STAT5B: variants seen among roughly 807,000 people sequenced by gnomAD.
STAT5B encodes the protein signal transducer and activator of transcription 5B.
A neutral mutation model predicts 107.8 loss-of-function variants in STAT5B; 21 were observed. The ratio of observed to expected loss-of-function variants is 0.19; its 90% confidence interval spans 0.14 to 0.28. The LOEUF is 0.28. Among genes scored for constraint, STAT5B ranks in the 10% least tolerant of loss-of-function variants. The pLI is 1.00. For synonymous variants in STAT5B, 325 were observed against 401.7 expected (o/e 0.81, Z 2.28); for missense variants, 565 against 1,008.2 (o/e 0.56, Z 5.95).
chr17:42,209,674 C>T (rs2080113570), intron 15 of STAT5B, among the ~76,000 whole-genome samples: 1 of 152,134 alleles, frequency 6.6e-6, no homozygotes, highest in Admixed American at 6.5e-5. Context: ...TGCCGCTGCA[C>T]TCCAGCCCGG....
chr17:42,212,886 C>G (rs2080140879), intron 12 of STAT5B, among the ~76,000 whole-genome samples: 1 of 152,204 alleles, frequency 6.6e-6, no homozygotes, highest in East Asian at 1.9e-4. Context: ...CCCAGCAACC[C>G]AGTTCTTTTC....
At chr17:42,231,823 G>A in intron 2 of STAT5B, among the ~76,000 whole-genome samples, 177 bp downstream of exon 2, 1 of 151,988 alleles carries the variant, frequency 6.6e-6, no homozygotes, top group East Asian at 1.9e-4. Flanking sequence ...AATCTAAGAT[G>A]GGCTTAAATA....
the STAT5B span, among the ~76,000 whole-genome samples, chr17:42,283,792 G>A: frequency 6.6e-6 from 1 of 152,148 alleles, no homozygotes; most frequent in African/African-American, 2.4e-5. Context: ...GACAAGAATG[G>A]GGGTGGCATT....
chr17:42,217,314 G>A lies in STAT5B; in HGVS notation c.1258-32C>T, dbSNP rs768969258. ...AGAAGAAACATAAGATGAAACGTAA[G>A]ATATAAGTTGTTCCCCTCAAAGACC... On this transcript the variant is annotated intron_variant, in intron 10 of 18. Coordinates refer to ENST00000293328, the MANE Select transcript of STAT5B (RefSeq NM_012448.4). 6 of 1,614,212 alleles carry A rather than the reference G, an allele frequency of 3.7e-6. No individual in the cohort carries two copies. In the Admixed American group the frequency reaches 1.0e-4, roughly 27 times the overall value.
chr17:42,215,984 G>A (rs1258622537), intron 12 of STAT5B, 30 bp downstream of exon 12: 1 of 1,606,562 alleles, frequency 6.2e-7, no homozygotes, highest in Non-Finnish European at 8.5e-7. Flanking sequence ...CATTGATTTT[G>A]GGACCCACAT....
chr17:42,238,092 TTCTATCCA>T (rs764445403), intron 1 of STAT5B, among the ~76,000 whole-genome samples: 2,126 of 140,224 alleles, frequency 0.015, 50 homozygotes, highest in African/African-American at 0.051. Flanking sequence ...GTATAAACTT[TTCTATCCA>T]TCCATCCATC....
chr17:42,274,615 C>T (rs921266628), intron 1 of STAT5B, among the ~76,000 whole-genome samples: 1 of 152,120 alleles, frequency 6.6e-6, no homozygotes, highest in Non-Finnish European at 1.5e-5. Context: ...TAAGATTCTC[C>T]CCATTTGAAG....
At chr17:42,274,767 T>C (rs1210209862) in intron 1 of STAT5B, 1 of 152,092 alleles carries the variant, frequency 6.6e-6, no homozygotes, top group African/African-American at 2.4e-5. Context: ...TGGACAACAA[T>C]AGAATGTTGG....
Position 42,219,829 on chromosome 17 carries a change from C to A in STAT5B, c.564G>T (p.Pro188=), listed in dbSNP as rs747457595. The A allele has an allele frequency of 6.2e-7, 1 of 1,614,106 alleles. No individual in the cohort carries two copies. The highest frequency in any genetic ancestry group is 8.5e-7 in the Non-Finnish European group (1 of 1,179,998). Reference sequence around the variant, plus strand: ...GCTCCTGGGGGCTCAGCTGGGCCAGCGGGCCAAACTGAGCTAGAGGAGGGG... The same window carrying A: ...GCTCCTGGGGGCTCAGCTGGGCCAGAGGGCCAAACTGAGCTAGAGGAGGGG... ...ESLRIQAQFG[P]LAQLSPQERL... is the part of the protein sequence containing the mutation. Residue 188 remains proline, a synonymous_variant, in exon 6 of 19, where the codon CCG becomes CCT. Transcript: ENST00000293328.
chr17:42,276,882 G>A (rs1226706702), upstream of STAT5B, among the ~76,000 whole-genome samples: 1 of 152,342 alleles, frequency 6.6e-6, no homozygotes, highest in East Asian at 1.9e-4. This position sits in a 1 kb window ranked among gnomAD's most constrained non-coding sequence, Gnocchi z 4.8. Context: ...AATTATCCTG[G>A]GTTTGCCCCC....
intron 1 of STAT5B, chr17:42,272,159 C>T (rs1236745979): frequency 6.6e-6 from 1 of 152,224 alleles, no homozygotes; most frequent in Non-Finnish European, 1.5e-5. Context: ...AGTGACCTAT[C>T]ACTTAAGTGA....
Position 42,218,888 on chromosome 17 carries a change from A to G in STAT5B, c.834-10T>C. 6.2e-7 allele frequency: 1 copy of G among 1,613,740 alleles called. No individual in the cohort carries two copies. Among genetic ancestry groups the G allele is most frequent in the Non-Finnish European group, 8.5e-7 (1 of 1,179,846 alleles). On this transcript the variant is annotated splice_polypyrimidine_tract_variant and intron_variant, in intron 7 of 18. Transcript: ENST00000293328. Reference sequence around the variant, plus strand: ...GGCCAACTTCTCACACCTGCACGAGAGCCCCAAGGCCAACAGGAGGACAAT... The same window carrying G: ...GGCCAACTTCTCACACCTGCACGAGGGCCCCAAGGCCAACAGGAGGACAAT...
intron 4 of STAT5B, among the ~76,000 whole-genome samples, chr17:42,224,348 A>AT (rs551186127): frequency 0.015 from 2,146 of 143,960 alleles, 58 homozygotes; most frequent in African/African-American, 0.049. Context: ...CTTCTATTTC[A>AT]TTTTTTTTTT....
chr17:42,250,092 CA>C (rs1422214620), intron 1 of STAT5B, among the ~76,000 whole-genome samples: 1 of 152,174 alleles, frequency 6.6e-6, no homozygotes, highest in East Asian at 1.9e-4. Context: ...TGATTTTAAA[CA>C]TTTTTCTCAA....
rs2080027944 is a variant in STAT5B, at chr17:42,199,586, T to C, written c.*2152A>G. 1.3e-5 allele frequency: 2 copies of C among 152,122 alleles called. No individual in the cohort carries two copies. The highest frequency in any genetic ancestry group is 2.4e-5 in the African/African-American group (1 of 41,366). 9.4% of individuals were successfully genotyped at this position (152,122 alleles called of 1,614,324 possible). On this transcript the variant is annotated 3_prime_UTR_variant, in exon 19 of 19. Transcript: ENST00000293328. The stretch of plus-strand genomic sequence containing the variant: ...GCAGGAACAAGGAGGAGAGAGAAGA[T>C]AGAACGCAGAGAGCGAGCACACCTT...
chr17:42,211,506 CAA>C (rs533078233), intron 13 of STAT5B, among the ~76,000 whole-genome samples: 1 of 140,782 alleles, frequency 7.1e-6, no homozygotes. Flanking sequence ...AACTCTGTCT[CAA>C]AAAAAAAAAA....
In STAT5B at chr17:42,250,143, C is replaced by T. The variant is rs1404485522; in HGVS notation, c.-10-18006G>A. On this transcript the variant is annotated intron_variant, in intron 1 of 18. Coordinates refer to ENST00000293328, the MANE Select transcript of STAT5B (RefSeq NM_012448.4). ...GGCTTAACTATCTACACAAAACTTG[C>T]GAGAAAATGTTACGAGCTCCTACCC... Among the ~76,000 whole-genome samples the T allele has an allele frequency of 5.3e-5, 8 of 152,254 alleles. No homozygotes were observed. The South Asian group carries it at 1.0e-3, about 20-fold the overall frequency.
chr17:42,227,244 C>T (rs567737393), intron 3 of STAT5B, among the ~76,000 whole-genome samples: 2 of 151,400 alleles, frequency 1.3e-5, no homozygotes, highest in South Asian at 2.1e-4. Context: ...GACTGAAAAA[C>T]GTGTGTGTCG....
rs771507023 is a variant in STAT5B at position 42,223,375 on chromosome 17, G to A, written c.550+7C>T. The stretch of plus-strand genomic sequence containing the variant: ...AAGTTGCACAATGTGCCTCCACCGC[G>A]CCTCACCTTGGATCCTCAGGCTCTC... On this transcript the variant is annotated splice_region_variant and intron_variant, in intron 5 of 18. Coordinates refer to ENST00000293328, the MANE Select transcript of STAT5B (RefSeq NM_012448.4). 34 of 1,614,018 alleles carry A rather than the reference G, an allele frequency of 2.1e-5. No homozygotes were observed. The highest frequency in any genetic ancestry group is 3.3e-5 in the South Asian group (3 of 91,078).
Sources: allele counts gnomAD v4.1 joint callset (sites outside exome capture counted in the v4.1 genomes callset), GRCh38; gene constraint gnomAD v4.1.1; non-coding constraint Gnocchi (gnomAD v3.1); transcripts MANE v1.5; gene names NCBI Gene and HGNC (gene_info 2026-07-23, HGNC 2026-07-21).